Variants in ZSCAN25 observed in about 807,000 individuals in gnomAD.
ZSCAN25 encodes the protein zinc finger and SCAN domain-containing protein 25.
In ZSCAN25, 27 loss-of-function variants were observed where a neutral mutation model predicts 38.7. That is an observed-to-expected ratio of 0.70 (90% confidence interval 0.51 to 0.96). ZSCAN25 has a LOEUF of 0.96. ZSCAN25 is among the 40% of genes least tolerant of loss of function. ZSCAN25 has a pLI of 0.00. For synonymous variants in ZSCAN25, 273 were observed against 277.7 expected (o/e 0.98, Z 0.17); for missense variants, 637 against 705.9 (o/e 0.90, Z 1.11).
At chr7:99,718,176 G>A in the ZSCAN25 span, among the ~76,000 whole-genome samples, 2 of 152,118 alleles carry the variant, frequency 1.3e-5, no homozygotes, top group Admixed American at 1.3e-4. Flanking sequence ...AATGTTAAAT[G>A]ATGAGTTAAT....
intron 7 of ZSCAN25, among the ~76,000 whole-genome samples, chr7:99,627,287 G>T (rs995333951): frequency 6.6e-6 from 1 of 152,116 alleles, no homozygotes; most frequent in African/African-American, 2.4e-5. Context: ...GTAACATCTA[G>T]TGCATAGTCA....
chr7:99,629,740 C>G lies in ZSCAN25; in HGVS notation c.1355C>G (p.Thr452Arg), dbSNP rs757239096. 6.2e-7 allele frequency: 1 copy of G among 1,613,920 alleles called. No homozygotes were observed. Among genetic ancestry groups the G allele is most frequent in the Admixed American group, 1.7e-5 (1 of 59,984 alleles). ...RRQHLQVHRR[T>R]HTGEKPYTCE... ...CAGCACCTGCAGGTGCACCGGAGGA[C>G]GCACACCGGGGAGAAGCCCTACACC... Residue 452 changes from threonine (T) to arginine (R), a missense_variant, in exon 8 of 8, where the codon ACG becomes AGG. Physicochemically the swap from Thr to Arg is moderately conservative, Grantham distance 71. Coordinates refer to ENST00000394152, the MANE Select transcript of ZSCAN25 (RefSeq NM_145115.3). The surrounding 1 kb of genome is among the most constrained non-coding windows in gnomAD (Gnocchi z 5.6).
At chr7:99,727,720 C>G in the ZSCAN25 span, among the ~76,000 whole-genome samples, 1 of 152,182 alleles carries the variant, frequency 6.6e-6, no homozygotes, top group Non-Finnish European at 1.5e-5. Context: ...ACTGCTCTGC[C>G]CCCCTCCACT....
At chr7:99,658,921 C>T in the ZSCAN25 span, 3 of 152,184 alleles carry the variant, frequency 2.0e-5, no homozygotes, top group Non-Finnish European at 4.4e-5. Flanking sequence ...GTGCCATGGT[C>T]TTCAGCTCCA....
In ZSCAN25 at chr7:99,629,072, T is replaced by A; in HGVS notation, c.806-119T>A. 2.9e-6 allele frequency: 4 copies of A among 1,376,692 alleles called. No homozygotes were observed. In the South Asian group the frequency reaches 4.6e-5, roughly 16 times the overall value. The allele number at this position is 1,376,692 out of a possible 1,614,324, so 85.3% of individuals were successfully genotyped here. A position where few individuals can be genotyped will look rare whatever the true frequency, so the allele number is the denominator to read the frequency against. On this transcript the variant is annotated intron_variant, in intron 7 of 7. Transcript: ENST00000394152. This position sits in a 1 kb window ranked among gnomAD's most constrained non-coding sequence, Gnocchi z 5.6. ...AAGTAAGGAAAGCCTGAGTTGAGGT[T>A]GTTGGTCAAAGGAAAAAAGAGAAGG...
the ZSCAN25 span, chr7:99,700,134 C>T: frequency 1.2e-6 from 1 of 801,544 alleles, no homozygotes; most frequent in Non-Finnish European, 2.2e-6. Context: ...CCCTGCACAG[C>T]AGTCTTAGGT....
chr7:99,641,814 G>T, the ZSCAN25 span, among the ~76,000 whole-genome samples: 1 of 152,052 alleles, frequency 6.6e-6, no homozygotes, highest in Non-Finnish European at 1.5e-5. Context: ...TCCCTCCAAG[G>T]CTTCAGGTCC....
At position 99,630,723 on chromosome 7, in the gene ZSCAN25, A is replaced by G. The variant is rs1807932294; in HGVS notation, c.*703A>G. On this transcript the variant is annotated 3_prime_UTR_variant, in exon 8 of 8. Coordinates refer to ENST00000394152, the MANE Select transcript of ZSCAN25 (RefSeq NM_145115.3). ...TTTGGAGCCTCATCTGTGTCAGGCT[A>G]TAACATTCTATCCTCATCTGTAAAA... 1.9e-5 allele frequency: 19 copies of G among 985,482 alleles called. No homozygotes were observed. Among genetic ancestry groups the G allele is most frequent in the Non-Finnish European group, 2.3e-5 (19 of 829,982 alleles). 61.0% of individuals were successfully genotyped at this position (985,482 alleles called of 1,614,324 possible).
the ZSCAN25 span, among the ~76,000 whole-genome samples, chr7:99,736,301 C>T: frequency 6.6e-6 from 1 of 152,178 alleles, no homozygotes; most frequent in African/African-American, 2.4e-5. Flanking sequence ...GTGGTCACTG[C>T]AGGTCACACA....
At chr7:99,702,926 G>A in the ZSCAN25 span, among the ~76,000 whole-genome samples, 10 of 152,246 alleles carry the variant, frequency 6.6e-5, no homozygotes, top group African/African-American at 2.2e-4. Flanking sequence ...TCCTTCATCA[G>A]TGTTTTACAG....
chr7:99,683,463 C>A, the ZSCAN25 span, among the ~76,000 whole-genome samples: 10 of 152,172 alleles, frequency 6.6e-5, no homozygotes, highest in East Asian at 1.7e-3. Context: ...ATGGATACAT[C>A]CATTTTAATC....
the ZSCAN25 span, chr7:99,658,953 C>G: frequency 6.6e-6 from 1 of 152,350 alleles, no homozygotes; most frequent in Non-Finnish European, 1.5e-5. Context: ...AAGGACTTCT[C>G]TGCATTGATT....
At chr7:99,703,337 T>C in the ZSCAN25 span, among the ~76,000 whole-genome samples, 8 of 152,204 alleles carry the variant, frequency 5.3e-5, no homozygotes, top group Non-Finnish European at 1.2e-4. Flanking sequence ...GGCATTTCTC[T>C]AAAGAGCTCT....
chr7:99,620,209 C>CT, intron 4 of ZSCAN25: 2 of 663,642 alleles, frequency 3.0e-6, no homozygotes, highest in Middle Eastern at 4.2e-4. Context: ...CCTGAAGCCT[C>CT]TGTTTGGTCA....
chr7:99,663,101 A>AT, the ZSCAN25 span: 2 of 1,265,142 alleles, frequency 1.6e-6, no homozygotes, highest in Non-Finnish European at 2.0e-6. Context: ...ATCATGTCCA[A>AT]TTGCTTTTTC....
the ZSCAN25 span, chr7:99,717,111 G>A: frequency 6.2e-7 from 1 of 1,602,004 alleles, no homozygotes; most frequent in Middle Eastern, 1.7e-4. Flanking sequence ...GGGAGTATCA[G>A]CTCCATAGCA....
chr7:99,623,482 C>T (rs190972687), intron 6 of ZSCAN25, among the ~76,000 whole-genome samples: 4 of 152,202 alleles, frequency 2.6e-5, no homozygotes, highest in East Asian at 1.9e-4. Flanking sequence ...CTCAAGGAGG[C>T]GAGTCTAAAA....
the ZSCAN25 span, chr7:99,667,025 A>G: frequency 1.2e-6 from 2 of 1,614,136 alleles, no homozygotes; most frequent in Admixed American, 3.3e-5. Flanking sequence ...ATCCTCAGCT[A>G]AAGAGATGGC....
At chr7:99,656,273 C>A in the ZSCAN25 span, among the ~76,000 whole-genome samples, 1 of 152,066 alleles carries the variant, frequency 6.6e-6, no homozygotes, top group Non-Finnish European at 1.5e-5. Flanking sequence ...CTAATTTATT[C>A]AGAGTTTTTA....
Sources: allele counts gnomAD v4.1 joint callset (sites outside exome capture counted in the v4.1 genomes callset), GRCh38; gene constraint gnomAD v4.1.1; non-coding constraint Gnocchi (gnomAD v3.1); transcripts MANE v1.5; gene names NCBI Gene and HGNC (gene_info 2026-07-23, HGNC 2026-07-21).